Variants in GRM5 observed in about 807,000 individuals in gnomAD.
GRM5 encodes the protein glutamate metabotropic receptor 5, also known as metabotropic glutamate receptor 5.
A neutral mutation model predicts 83.1 loss-of-function variants in GRM5; 19 were observed. The ratio of observed to expected loss-of-function variants is 0.23; its 90% CI spans 0.16 to 0.34. GRM5 has a LOEUF of 0.34. GRM5 is among the 10% of genes least tolerant of loss of function. The probability of loss-of-function intolerance (pLI) is 1.00; values close to 1 mark genes in which losing one functional copy is unlikely to be tolerated. For missense variants in GRM5, 1,160 were observed against 1,588.3 expected (o/e 0.73, Z 4.58); for synonymous variants, 675 against 633.6 (o/e 1.07, Z -0.98).
chr11:89,058,310 G>A (rs1341070004), intron 1 of GRM5, among the ~76,000 whole-genome samples: 1 of 152,126 alleles, frequency 6.6e-6, no homozygotes, highest in Admixed American at 6.5e-5. Flanking sequence ...TGTTGTGGGC[G>A]GATGTTGTCT....
chr11:88,812,599 G>T (rs1247232693), intron 3 of GRM5, among the ~76,000 whole-genome samples: 1 of 152,118 alleles, frequency 6.6e-6, no homozygotes, highest in Non-Finnish European at 1.5e-5. Flanking sequence ...AAGTGGAAGA[G>T]ACAAAAATAT....
At chr11:88,614,719 G>T in intron 4 of GRM5, among the ~76,000 whole-genome samples, 1 of 151,988 alleles carries the variant, frequency 6.6e-6, no homozygotes, top group East Asian at 1.9e-4. Context: ...ATGTGCCTAA[G>T]CACTACAAGA....
intron 4 of GRM5, among the ~76,000 whole-genome samples, chr11:88,630,867 T>C (rs6416005): frequency 0.99 from 151,282 of 152,292 alleles, 75,152 homozygotes; most frequent in East Asian, 1. Flanking sequence ...CATGAGCCAC[T>C]GTGCCCAGCC....
At chr11:88,713,165 T>TA (rs1565197291) in intron 3 of GRM5, among the ~76,000 whole-genome samples, 6 of 151,984 alleles carry the variant, frequency 3.9e-5, no homozygotes, top group Admixed American at 3.9e-4. Context: ...ACATTTAGTT[T>TA]AAAAAAACAA....
At chr11:88,848,944 A>G (rs1455776675) in intron 3 of GRM5, among the ~76,000 whole-genome samples, 1 of 152,190 alleles carries the variant, frequency 6.6e-6, no homozygotes, top group Non-Finnish European at 1.5e-5. Context: ...CATGAGATGG[A>G]CATCGGTCTT....
chr11:88,977,243 C>T (rs890980235), intron 2 of GRM5, among the ~76,000 whole-genome samples: 30 of 151,370 alleles, frequency 2.0e-4, no homozygotes, highest in Admixed American at 1.1e-3. Flanking sequence ...GATGGAGTCT[C>T]GCTCTGTCAC....
chr11:88,704,407 C>T (rs1941106791), intron 3 of GRM5, among the ~76,000 whole-genome samples: 1 of 152,038 alleles, frequency 6.6e-6, no homozygotes, highest in Non-Finnish European at 1.5e-5. Context: ...ACACACAGAG[C>T]ATCAGTAAAA....
chr11:89,065,189 C>A (rs2135179115), intron 1 of GRM5, among the ~76,000 whole-genome samples: 1 of 151,534 alleles, frequency 6.6e-6, no homozygotes, highest in East Asian at 2.0e-4. Flanking sequence ...GAAGCACCAG[C>A]AACTGCCATT....
intron 2 of GRM5, among the ~76,000 whole-genome samples, chr11:88,915,817 C>A (rs573448117): frequency 9.9e-5 from 15 of 152,222 alleles, no homozygotes; most frequent in Non-Finnish European, 2.1e-4. Flanking sequence ...GGCTTGATAA[C>A]TAGAGGTTTT....
At chr11:88,710,499 T>C (rs1484393730) in intron 3 of GRM5, among the ~76,000 whole-genome samples, 1 of 152,060 alleles carries the variant, frequency 6.6e-6, no homozygotes, top group East Asian at 1.9e-4. Flanking sequence ...TTTAAGCAAG[T>C]CACTTAAGTT....
chr11:88,652,223 G>A (rs117213553), intron 4 of GRM5, among the ~76,000 whole-genome samples: 2 of 151,994 alleles, frequency 1.3e-5, no homozygotes, highest in African/African-American at 4.8e-5. Flanking sequence ...TGTTCAATTT[G>A]CATTTTCCTG....
At chr11:88,573,596 G>A (rs754232731) in intron 7 of GRM5, among the ~76,000 whole-genome samples, 1 of 152,036 alleles carries the variant, frequency 6.6e-6, no homozygotes, top group Non-Finnish European at 1.5e-5. Context: ...GTCATTTCAG[G>A]TATACAATGA....
At chr11:88,904,340 A>G (rs645717) in intron 2 of GRM5, among the ~76,000 whole-genome samples, 143,263 of 152,018 alleles carry the variant, frequency 0.94, 67,566 homozygotes, top group South Asian at 0.97. Context: ...TTTCTCAACC[A>G]AAGATAATTT....
intron 3 of GRM5, among the ~76,000 whole-genome samples, chr11:88,761,636 T>C (rs1942517987): frequency 6.6e-6 from 1 of 152,120 alleles, no homozygotes; most frequent in Admixed American, 6.6e-5. Flanking sequence ...TCCAAAGTAA[T>C]TTATAGATTC....
At chr11:88,720,817 T>TGC (rs771654959) in intron 3 of GRM5, among the ~76,000 whole-genome samples, 28 of 130,878 alleles carry the variant, frequency 2.1e-4, no homozygotes, top group African/African-American at 6.2e-4. Flanking sequence ...TGTGTGTGTG[T>TGC]GTGCGTGTGT....
At chr11:88,641,015 G>A (rs557796265) in intron 4 of GRM5, among the ~76,000 whole-genome samples, 3 of 152,086 alleles carry the variant, frequency 2.0e-5, no homozygotes, top group Admixed American at 2.0e-4. Flanking sequence ...ACTTGAGACT[G>A]GGAACTTAAT....
intron 3 of GRM5, among the ~76,000 whole-genome samples, chr11:88,777,525 T>C (rs1591508646): frequency 6.6e-6 from 1 of 152,254 alleles, no homozygotes; most frequent in East Asian, 1.9e-4. Flanking sequence ...CTCTGATTTT[T>C]AGAATTTTCA....
At position 88,580,335 on chromosome 11, in the gene GRM5, C is replaced by T. The variant is rs527237674; in HGVS notation, c.1690+10266G>A. 1.7e-3 allele frequency among the ~76,000 whole-genome samples: 257 copies of T among 151,780 alleles called. 1 individual carries two copies. Among genetic ancestry groups the T allele is most frequent in the African/African-American group, 6.0e-3 (248 of 41,366 alleles). ...ATGATATTTAATGACATGAATGAAA[C>T]TGGGTATGATCACCAGTGAAGCAAG... On this transcript the variant is annotated intron_variant, in intron 7 of 9. Coordinates refer to ENST00000305447, the MANE Select transcript of GRM5 (RefSeq NM_001143831.3).
intron 1 of GRM5, among the ~76,000 whole-genome samples, chr11:89,065,148 G>A (rs1177613725): frequency 2.6e-5 from 4 of 151,338 alleles, no homozygotes; most frequent in Non-Finnish European, 4.4e-5. Flanking sequence ...ACACCCAGTC[G>A]GGTCCCTTCT....
Sources: gnomAD v4.1 joint callset for allele counts (sites outside exome capture counted in the v4.1 genomes callset) on GRCh38, gnomAD v4.1.1 for gene constraint, MANE v1.5 for transcripts, NCBI Gene and HGNC (gene_info 2026-07-23, HGNC 2026-07-21) for gene names.